HEATR1: variants seen among roughly 807,000 people sequenced by gnomAD.
HEATR1 encodes HEAT repeat-containing protein 1.
HEATR1 carries 77 observed loss-of-function variants against 248.2 expected under a neutral mutation model. That is an observed-to-expected ratio of 0.31 (90% confidence interval 0.26 to 0.37). HEATR1 has a LOEUF of 0.37. HEATR1 is among the 10% of genes least tolerant of loss of function. The pLI is 1.00. For synonymous variants in HEATR1, 897 were observed against 923.1 expected, an observed-to-expected ratio of 0.97 and a Z score of 0.51; for missense variants, 2,420 against 2,504.9, an observed-to-expected ratio of 0.97 and a Z score of 0.72.
In HEATR1 at chr1:236,585,048, G is replaced by A. The variant is rs1663846223; in HGVS notation, c.2218C>T (p.Leu740Phe). The change falls in exon 17 of 45, where the codon CTT becomes TTT. Residue 740 changes from leucine to phenylalanine, a missense_variant. Physicochemically the swap from Leu to Phe is conservative, Grantham distance 22. Transcript: ENST00000366582. Reference protein sequence around the residue: ...FSLLQKKIKKLESVITAVEIP... With the variant: ...FSLLQKKIKKFESVITAVEIP... ...ACCACTGCAGTAATGACACTTTCAA[G>A]CTTCTTTATTTTTTTCTGCAACAAA... is the stretch of plus-strand genomic sequence containing the variant. 8 of 1,613,086 alleles carry A rather than the reference G, an allele frequency of 5.0e-6. No individual in the cohort carries two copies. The highest frequency in any genetic ancestry group is 5.9e-6 in the Non-Finnish European group (7 of 1,179,668).
In HEATR1 at chr1:236,555,323, A is replaced by G. The variant is rs1217690252; in HGVS notation, c.5896T>C (p.Leu1966=). 1 of 1,614,240 alleles carries G rather than the reference A, an allele frequency of 6.2e-7. No homozygotes were observed. Among genetic ancestry groups the G allele is most frequent in the Admixed American group, 1.7e-5 (1 of 60,032 alleles). The change falls in exon 41 of 45, where the codon TTG becomes CTG. Residue 1966 remains leucine, a synonymous_variant. Transcript: ENST00000366582. ...GHLVKPFADT[L]NQVNISKTDE... ...GTTTTGGAGATGTTCACCTGGTTCA[A>G]GGTGTCAGCAAAAGGCTTCACTAAG...
At chr1:236,577,146 A>G (rs1459971610) in intron 20 of HEATR1, among the ~76,000 whole-genome samples, 197 bp from the exon 21 acceptor site, 1 of 151,526 alleles carries the variant, frequency 6.6e-6, no homozygotes, top group East Asian at 1.9e-4. Flanking sequence ...AAAATACACA[A>G]GAGCATACTA....
chr1:236,563,558 G>A (rs775901067), intron 32 of HEATR1, among the ~76,000 whole-genome samples: 9 of 152,022 alleles, frequency 5.9e-5, no homozygotes, highest in Non-Finnish European at 1.0e-4. Context: ...AGGTGTGAGC[G>A]AGGATTTTTC....
intron 41 of HEATR1, 147 bp from the exon 42 acceptor site, chr1:236,554,899 A>G (rs1238556013): frequency 2.9e-6 from 2 of 691,702 alleles, no homozygotes; most frequent in African/African-American, 1.8e-5. Context: ...GGCAGAACAC[A>G]ATGGATGGTC....
At chr1:236,588,104 C>T (rs986082959) in intron 12 of HEATR1, 61 bp from the exon 13 acceptor site, 3 of 1,273,304 alleles carry the variant, frequency 2.4e-6, no homozygotes, top group African/African-American at 3.0e-5. Context: ...AGGCTTTGCA[C>T]TAGAAAGGAA....
intron 28 of HEATR1, among the ~76,000 whole-genome samples, chr1:236,570,174 A>G (rs999017575): frequency 6.6e-6 from 1 of 152,160 alleles, no homozygotes; most frequent in African/African-American, 2.4e-5. Context: ...CTGTAGTCCT[A>G]GCTACTCGGG....
At position 236,590,906 on chromosome 1, in the gene HEATR1, G is replaced by A; in HGVS notation, c.1471C>T (p.Leu491Phe). The change falls in exon 12 of 45, where the codon CTT (leucine) becomes TTT (phenylalanine). Residue 491 changes from leucine (L) to phenylalanine (F), a missense_variant. Coordinates refer to ENST00000366582, the MANE Select transcript of HEATR1 (RefSeq NM_018072.6). ...ATGGCCAGAATTCTCACAGGAGCAA[G>A]TGGATGATTCAGGCTGAGCATCAAA... ...TSLMLSLNHP[L>F]APVRILAMNH... The A allele has an allele frequency of 1.3e-6, 2 of 1,522,818 alleles. No individual in the cohort carries two copies. The highest frequency in any genetic ancestry group is 1.8e-6 in the Non-Finnish European group (2 of 1,126,080). 94.3% of individuals were successfully genotyped at this position (1,522,818 alleles called of 1,614,324 possible).
At chr1:236,589,736 T>C (rs1663982900) in intron 12 of HEATR1, among the ~76,000 whole-genome samples, 1 of 152,232 alleles carries the variant, frequency 6.6e-6, no homozygotes. Context: ...TTTACTCTGT[T>C]CCAGAAATTT....
rs188872539 is a variant in HEATR1, at chr1:236,590,443, C to T, written c.1530+404G>A. ...TAGAGAAGGGGGTCTCCCTATGTTG[C>T]CCAGGTTGGTCTCAAACGTTTGGGC... On this transcript the variant is annotated intron_variant, in intron 12 of 44. Coordinates refer to ENST00000366582, the MANE Select transcript of HEATR1 (RefSeq NM_018072.6). 1.8e-3 allele frequency among the ~76,000 whole-genome samples: 277 copies of T among 152,104 alleles called. 1 individual carries two copies. Among genetic ancestry groups the T allele is most frequent in the Non-Finnish European group, 3.1e-3 (211 of 67,990 alleles).
intron 29 of HEATR1, among the ~76,000 whole-genome samples, chr1:236,567,768 T>C (rs1319916971): frequency 2.0e-5 from 3 of 152,178 alleles, no homozygotes; most frequent in Non-Finnish European, 2.9e-5. Context: ...TAATGGCACA[T>C]GCCAAATATG....
intron 11 of HEATR1, among the ~76,000 whole-genome samples, chr1:236,591,721 T>C (rs917701519): frequency 1.5e-5 from 2 of 135,242 alleles, no homozygotes; most frequent in African/African-American, 5.1e-5. Context: ...CCTCTGATGA[T>C]TCTTAATGAA....
Position 236,586,224 on chromosome 1 carries a change from A to G in HEATR1, c.1927+17T>C. Reference sequence around the variant, plus strand: ...TTATCTGTTCACTTTTTCTAAAAAAACAACTGAATTTTTTACCTTCTTCCC... The same window carrying G: ...TTATCTGTTCACTTTTTCTAAAAAAGCAACTGAATTTTTTACCTTCTTCCC... On this transcript the variant is annotated intron_variant, in intron 15 of 44. Coordinates refer to ENST00000366582, the MANE Select transcript of HEATR1 (RefSeq NM_018072.6). The G allele has an allele frequency of 6.4e-7, 1 of 1,571,494 alleles. No individual in the cohort carries two copies. The highest frequency in any genetic ancestry group is 8.6e-7 in the Non-Finnish European group (1 of 1,156,668).
chr1:236,571,563 C>G lies in HEATR1; in HGVS notation c.3826+5G>C. 1 of 1,613,198 alleles carries G rather than the reference C, an allele frequency of 6.2e-7. No homozygotes were observed. Among genetic ancestry groups the G allele is most frequent in the Non-Finnish European group, 8.5e-7 (1 of 1,179,412 alleles). On this transcript the variant is annotated splice_donor_5th_base_variant and intron_variant, in intron 27 of 44. Coordinates refer to ENST00000366582, the MANE Select transcript of HEATR1 (RefSeq NM_018072.6). ...TTCTAACCTTTCCTTCCAAAAAGTACCTACCTTTGGGTATTTTGCCACCAT... is the reference window on the plus strand; with the variant it reads ...TTCTAACCTTTCCTTCCAAAAAGTAGCTACCTTTGGGTATTTTGCCACCAT...
rs142257206 is a variant in HEATR1, at chr1:236,559,958, A to G, written c.4647-121T>C. The G allele has an allele frequency of 4.8e-4, 513 of 1,072,340 alleles. 2 individuals carry two copies. In the African/African-American group the frequency reaches 7.3e-3, roughly 15 times the overall value. 66.4% of individuals were successfully genotyped at this position (1,072,340 alleles called of 1,614,324 possible). On this transcript the variant is annotated intron_variant, in intron 33 of 44. Coordinates refer to ENST00000366582, the MANE Select transcript of HEATR1 (RefSeq NM_018072.6). ...GAGTTAAATAATTCTGTACTAAATT[A>G]TTTCAAAAACTACTCGGAAAGAAAG...
rs1199637341 is a variant in HEATR1, at chr1:236,549,045, G to C, written c.*1857C>G. ...ATTTATGGGCAACAAAGTAAGGTCA[G>C]GATTAGACTTCAGGCATTCATAAGG... On this transcript the variant is annotated 3_prime_UTR_variant, in exon 45 of 45. Coordinates refer to ENST00000366582, the MANE Select transcript of HEATR1 (RefSeq NM_018072.6). The C allele has an allele frequency of 5.0e-6, 2 of 398,576 alleles. No homozygotes were observed. The highest frequency in any genetic ancestry group is 8.8e-6 in the Non-Finnish European group (2 of 226,030). 24.7% of individuals were successfully genotyped at this position (398,576 alleles called of 1,614,324 possible).
intron 20 of HEATR1, among the ~76,000 whole-genome samples, chr1:236,577,590 G>C (rs1572043077): frequency 6.6e-6 from 1 of 151,366 alleles, no homozygotes; most frequent in Non-Finnish European, 1.5e-5. Flanking sequence ...CTGGATTCAA[G>C]CGATTCTCCT....
intron 28 of HEATR1, among the ~76,000 whole-genome samples, chr1:236,570,581 A>T (rs1663401115): frequency 6.6e-6 from 1 of 152,122 alleles, no homozygotes; most frequent in African/African-American, 2.4e-5. Flanking sequence ...CGTGGTGGTG[A>T]TTACAGAAAC....
rs973781623 is a variant in HEATR1, at chr1:236,549,615, C to T, written c.*1287G>A. 1.3e-5 allele frequency: 2 copies of T among 152,126 alleles called. No homozygotes were observed. Among genetic ancestry groups the T allele is most frequent in the African/African-American group, 4.8e-5 (2 of 41,398 alleles). 9.4% of individuals were successfully genotyped at this position (152,126 alleles called of 1,614,324 possible). A position where few individuals can be genotyped will look rare whatever the true frequency, so the allele number is the denominator to read the frequency against. ...TTAATGTATGCAGAGTCTCACCAAG[C>T]TCAAAGACACTGGTTGGGGGTGGAG... On this transcript the variant is annotated 3_prime_UTR_variant, in exon 45 of 45. Transcript: ENST00000366582.
Position 236,572,499 on chromosome 1 carries a change from C to T in HEATR1, c.3619G>A (p.Val1207Ile). ...TGCAGTAATTCCAGGATGAGAGTTA[C>T]TCTTTGCCAGTAAGAACCTCCAACT... ...QEVGGSYWQR[V>I]TLILELLQHK... The change falls in exon 26 of 45, where the codon GTA (valine) becomes ATA (isoleucine). Residue 1207 changes from valine (V) to isoleucine (I), a missense_variant. Coordinates refer to ENST00000366582, the MANE Select transcript of HEATR1 (RefSeq NM_018072.6). The T allele has an allele frequency of 6.2e-7, 1 of 1,614,078 alleles. No homozygotes were observed. The highest frequency in any genetic ancestry group is 8.5e-7 in the Non-Finnish European group (1 of 1,179,958).
Sources: gnomAD v4.1 joint callset for allele counts (sites outside exome capture counted in the v4.1 genomes callset) on GRCh38, gnomAD v4.1.1 for gene constraint, MANE v1.5 for transcripts, NCBI Gene and HGNC (gene_info 2026-07-23, HGNC 2026-07-21) for gene names.